NFIC: variants seen among roughly 807,000 people sequenced by gnomAD.
The protein encoded by NFIC is nuclear factor I C.
In NFIC, 12 loss-of-function variants were observed where a neutral mutation model predicts 54.4. The observed-to-expected ratio is 0.22, with a 90% CI of 0.14 to 0.36. NFIC has a LOEUF of 0.36. Ranked by LOEUF, NFIC falls within the 10% of genes least tolerant of loss-of-function variation. NFIC has a pLI of 1.00. For synonymous variants in NFIC, 322 were observed against 319.2 expected, an observed-to-expected ratio of 1.01 and a Z score of -0.09; for missense variants, 575 against 718.2, an observed-to-expected ratio of 0.80 and a Z score of 2.28.
At position 3,412,166 on chromosome 19, in the gene NFIC, T is replaced by C. The variant is rs574818499; in HGVS notation, c.563-12940T>C. Among the ~76,000 whole-genome samples the C allele has an allele frequency of 1.1e-3, 169 of 152,370 alleles. 1 individual carries two copies. The highest frequency in any genetic ancestry group is 4.0e-3 in the African/African-American group (165 of 41,586). On this transcript the variant is annotated intron_variant, in intron 2 of 10. Coordinates refer to ENST00000443272, the MANE Select transcript of NFIC (RefSeq NM_001245002.2). ...GGTGCGATCATAGCTCACTGCAGCC[T>C]GGAGCTCCTGGGCTCAGACGATCCA...
rs2081025576 is a variant in NFIC at position 3,371,988 on chromosome 19, C to CTCT, written c.30+5322_30+5323insTCT. ...CTTTCCTTCTCTTTCTCTCTCTCTC[C>CTCT]CTCTCTCTCCCTCTCTCTCTCTCTC... On this transcript the variant is annotated intron_variant, in intron 1 of 10. Coordinates refer to ENST00000443272, the MANE Select transcript of NFIC (RefSeq NM_001245002.2). Among the ~76,000 whole-genome samples, 9 of 27,432 alleles carry CTCT rather than the reference C, an allele frequency of 3.3e-4. 2 individuals carry two copies. Among genetic ancestry groups the CTCT allele is most frequent in the Non-Finnish European group, 5.8e-4 (9 of 15,568 alleles). The allele number at this position is 27,432 out of a possible 152,430, so 18.0% of individuals were successfully genotyped here. A position where few individuals can be genotyped will look rare whatever the true frequency, so the allele number is the denominator to read the frequency against.
At chr19:3,439,078 C>G (rs2082251049) in intron 6 of NFIC, among the ~76,000 whole-genome samples, 1 of 151,548 alleles carries the variant, frequency 6.6e-6, no homozygotes, top group Admixed American at 6.6e-5. Context: ...CTCTCTGCCC[C>G]TCAATTTCCT....
chr19:3,431,329 C>A (rs921388277), intron 3 of NFIC, among the ~76,000 whole-genome samples: 1 of 149,156 alleles, frequency 6.7e-6, no homozygotes, highest in Admixed American at 6.7e-5. Flanking sequence ...TGCGCCCAGC[C>A]CAAGGCCTCA....
intron 2 of NFIC, among the ~76,000 whole-genome samples, chr19:3,391,749 A>C (rs2081380185): frequency 6.6e-6 from 1 of 152,128 alleles, no homozygotes; most frequent in Admixed American, 6.5e-5. Context: ...GTGAGCTGAG[A>C]TTGCACCACT....
chr19:3,409,162 G>A (rs533787990), intron 2 of NFIC, among the ~76,000 whole-genome samples: 6 of 152,114 alleles, frequency 3.9e-5, no homozygotes, highest in Admixed American at 2.0e-4. Flanking sequence ...CTCTCCGTTC[G>A]TTCCTCTTTC....
chr19:3,435,328 G>A, intron 6 of NFIC, 121 bp downstream of exon 6: 4 of 1,355,544 alleles, frequency 3.0e-6, no homozygotes, highest in Non-Finnish European at 3.9e-6. Flanking sequence ...GAGCCGCGGG[G>A]CCTCCTGGGA....
intron 1 of NFIC, among the ~76,000 whole-genome samples, chr19:3,372,903 A>G (rs920843512): frequency 3.3e-5 from 5 of 151,400 alleles, no homozygotes; most frequent in Non-Finnish European, 7.4e-5. Flanking sequence ...AGAGTGCAGT[A>G]GCACAATCTG....
intron 2 of NFIC, among the ~76,000 whole-genome samples, chr19:3,392,359 A>G (rs1055867733): frequency 1.1e-4 from 16 of 152,106 alleles, no homozygotes; most frequent in Non-Finnish European, 1.5e-4. Flanking sequence ...GGCGTGAGCC[A>G]CCGCACCCGG....
chr19:3,456,693 G>C (rs887851309), intron 10 of NFIC, 58 bp downstream of exon 10: 4 of 1,343,158 alleles, frequency 3.0e-6, no homozygotes, highest in African/African-American at 3.0e-5. Flanking sequence ...GGGCCGGCCC[G>C]GGGGGCTCAG....
At chr19:3,429,290 A>ACACACACC (rs2082084121) in intron 3 of NFIC, among the ~76,000 whole-genome samples, 1 of 143,736 alleles carries the variant, frequency 7.0e-6, no homozygotes, top group Non-Finnish European at 1.5e-5. Context: ...ACACACACAC[A>ACACACACC]CACACTAGCC....
At chr19:3,438,462 G>C (rs2082240995) in intron 6 of NFIC, among the ~76,000 whole-genome samples, 1 of 141,578 alleles carries the variant, frequency 7.1e-6, no homozygotes, top group Non-Finnish European at 1.5e-5. Flanking sequence ...TTTTGAGACA[G>C]AGTCTCGCTC....
intron 2 of NFIC, among the ~76,000 whole-genome samples, chr19:3,396,449 G>T (rs2081464833): frequency 6.8e-6 from 1 of 146,084 alleles, no homozygotes; most frequent in African/African-American, 2.6e-5. Context: ...TCCAGCCGGG[G>T]CAACAGAGTG....
Position 3,462,827 on chromosome 19 carries a change from C to T in NFIC, c.*58C>T. 6.2e-7 allele frequency: 1 copy of T among 1,612,894 alleles called. No individual in the cohort carries two copies. On this transcript the variant is annotated 3_prime_UTR_variant, in exon 11 of 11. Coordinates refer to ENST00000443272, the MANE Select transcript of NFIC (RefSeq NM_001245002.2). ...GTCCCAGGAATCCCAGGGGGCAGCACAGCCGGCCCCCGGCCCACGTTTTCG... is the reference window on the plus strand; with the variant it reads ...GTCCCAGGAATCCCAGGGGGCAGCATAGCCGGCCCCCGGCCCACGTTTTCG...
chr19:3,395,487 G>C (rs2145517392), intron 2 of NFIC, among the ~76,000 whole-genome samples: 1 of 135,282 alleles, frequency 7.4e-6, no homozygotes, highest in Non-Finnish European at 1.6e-5. Flanking sequence ...ATACCACCAT[G>C]GTTGATTTTT....
chr19:3,371,034 G>A (rs535625635), intron 1 of NFIC, among the ~76,000 whole-genome samples: 1 of 152,330 alleles, frequency 6.6e-6, no homozygotes, highest in East Asian at 1.9e-4. Context: ...CCTTGATGGG[G>A]GTCACCAACA....
chr19:3,379,319 A>G (rs2081159004), intron 1 of NFIC, among the ~76,000 whole-genome samples: 1 of 151,232 alleles, frequency 6.6e-6, no homozygotes, highest in Non-Finnish European at 1.5e-5. Context: ...CGGTCTCCCA[A>G]AGTGCTAGGA....
chr19:3,444,025 C>T (rs34702633), intron 6 of NFIC, among the ~76,000 whole-genome samples: 66,713 of 152,014 alleles, frequency 0.44, 17,049 homozygotes, highest in Middle Eastern at 0.67. Context: ...CTGGGGGAGC[C>T]GGCATTTCAG....
Position 3,381,770 on chromosome 19 carries a change from C to G in NFIC, c.89C>G (p.Thr30Ser), listed in dbSNP as rs2081213731. Residue 30 changes from threonine (T) to serine (S), a missense_variant, in exon 2 of 11, where the codon ACC (threonine) becomes AGC (serine). Physicochemically the swap from Thr to Ser is moderately conservative, Grantham distance 58. Around this residue, in one of 3 missense-constraint regions of NFIC, gnomAD observed 122 missense variants for 158.0 expected, o/e 0.77. Coordinates refer to ENST00000443272, the MANE Select transcript of NFIC (RefSeq NM_001245002.2). ...LLPHVRAFAY[T>S]WFNLQARKRK... is the part of the protein sequence containing the mutation. ...CCTCACGTCCGCGCCTTCGCCTACACCTGGTTCAACCTGCAGGCGCGGAAG... is the reference window on the plus strand; with the variant it reads ...CCTCACGTCCGCGCCTTCGCCTACAGCTGGTTCAACCTGCAGGCGCGGAAG... 5.0e-6 allele frequency: 8 copies of G among 1,613,936 alleles called. No individual in the cohort carries two copies. The highest frequency in any genetic ancestry group is 2.2e-5 in the East Asian group (1 of 44,872).
chr19:3,382,023 G>A lies in NFIC; in HGVS notation c.342G>A (p.Lys114=). Residue 114 remains lysine, a synonymous_variant, in exon 2 of 11, where the codon AAG becomes AAA. Coordinates refer to ENST00000443272, the MANE Select transcript of NFIC (RefSeq NM_001245002.2). ...CVLSNPDQKG[K]MRRIDCLRQA... is the part of the protein sequence containing the mutation. ...TCTCCAACCCCGACCAGAAGGGCAA[G>A]ATGCGGCGCATCGACTGTCTCCGGC... 6.2e-7 allele frequency: 1 copy of A among 1,613,592 alleles called. No individual in the cohort carries two copies. Among genetic ancestry groups the A allele is most frequent in the East Asian group, 2.2e-5 (1 of 44,882 alleles).
Sources: gnomAD v4.1 joint callset for allele counts (sites outside exome capture counted in the v4.1 genomes callset) on GRCh38, gnomAD v4.1.1 for gene constraint, gnomAD v4.1.1 regional missense constraint, MANE v1.5 for transcripts, NCBI Gene and HGNC (gene_info 2026-07-23, HGNC 2026-07-21) for gene names.